The following RBFOX1 variants were observed in gnomAD, a reference collection of about 807,000 sequenced individuals.
RBFOX1 encodes the protein RNA binding protein fox-1 homolog 1.
In RBFOX1, 8 loss-of-function variants were observed where a neutral mutation model predicts 57.7. The ratio of observed to expected loss-of-function variants is 0.14; its 90% confidence interval spans 0.08 to 0.25. The LOEUF (loss-of-function observed/expected upper bound fraction) is 0.25, where lower values mean the gene tolerates loss of function less well. RBFOX1 is among the 10% of genes least tolerant of loss of function. The pLI, the probability that RBFOX1 is intolerant of heterozygous loss-of-function variation, is 1.00. For synonymous variants in RBFOX1, 326 were observed against 222.4 expected (o/e 1.47, Z -4.15); for missense variants, 611 against 548.5 (o/e 1.11, Z -1.14).
chr16:6,293,754 A>T (rs1470865768), intron 1 of RBFOX1, among the ~76,000 whole-genome samples: 1 of 125,184 alleles, frequency 8.0e-6, no homozygotes, highest in Non-Finnish European at 1.8e-5. Flanking sequence ...ACTTTGAAGC[A>T]TGAATGTAAT....
chr16:6,385,390 C>A (rs187366944), intron 2 of RBFOX1, among the ~76,000 whole-genome samples: 4 of 152,150 alleles, frequency 2.6e-5, no homozygotes, highest in African/African-American at 9.7e-5. Context: ...GACAGAGTCT[C>A]CCTCTTTTGC....
chr16:6,819,728 AAAATAAC>A (rs1273376401), intron 3 of RBFOX1, among the ~76,000 whole-genome samples: 1,479 of 101,848 alleles, frequency 0.015, 160 homozygotes, highest in African/African-American at 0.048. Flanking sequence ...AAAAAAAAAA[AAAATAAC>A]AACACCAAAA....
intron 3 of RBFOX1, among the ~76,000 whole-genome samples, chr16:5,751,378 C>G (rs866231813): frequency 8.5e-5 from 13 of 152,184 alleles, no homozygotes; most frequent in South Asian, 2.1e-4. Context: ...AGCTTTCATA[C>G]TGATTACGTC....
intron 3 of RBFOX1, among the ~76,000 whole-genome samples, chr16:6,927,002 A>G (rs150243689): frequency 1.1e-3 from 160 of 152,188 alleles, no homozygotes; most frequent in African/African-American, 3.5e-3. Flanking sequence ...TTGTCAAGCA[A>G]TTGCTACTCA....
chr16:6,418,804 C>T (rs767950559), intron 2 of RBFOX1, among the ~76,000 whole-genome samples: 21 of 152,146 alleles, frequency 1.4e-4, no homozygotes, highest in Admixed American at 2.6e-4. Flanking sequence ...GCTGGGATTA[C>T]AGGCATGAGC....
intron 3 of RBFOX1, among the ~76,000 whole-genome samples, chr16:6,693,358 A>G (rs1416802333): frequency 6.6e-6 from 1 of 150,790 alleles, no homozygotes; most frequent in Non-Finnish European, 1.5e-5. Flanking sequence ...CATCACCGCC[A>G]TCATCATCAA....
chr16:5,440,578 T>A (rs2068054030), intron 1 of RBFOX1, among the ~76,000 whole-genome samples: 1 of 152,182 alleles, frequency 6.6e-6, no homozygotes, highest in Non-Finnish European at 1.5e-5. Context: ...TCCATGGCTC[T>A]AGGTAAACAG....
In RBFOX1 at chr16:5,501,499, G is replaced by T. The variant is rs1173236433; in HGVS notation, c.258+34245G>T. On this transcript the variant is annotated intron_variant, in intron 2 of 2. Transcript: ENST00000585867. ...GCAGGCTGAATCCTGGGGGAAGAGG[G>T]TTTGTCTCTGGAGGCAGATGGGCTG... Among the ~76,000 whole-genome samples the T allele has an allele frequency of 5.3e-5, 8 of 152,094 alleles. No homozygotes were observed. In the East Asian group the frequency reaches 1.5e-3, roughly 29 times the overall value.
At chr16:6,414,558 A>G (rs140567190) in intron 2 of RBFOX1, among the ~76,000 whole-genome samples, 17 of 152,228 alleles carry the variant, frequency 1.1e-4, no homozygotes, top group African/African-American at 3.6e-4. Flanking sequence ...AGAAGAAAAT[A>G]AAGTACTGTG....
intron 11 of RBFOX1, among the ~76,000 whole-genome samples, chr16:7,639,939 C>T (rs1402583578): frequency 6.6e-6 from 1 of 152,184 alleles, no homozygotes; most frequent in Non-Finnish European, 1.5e-5. Flanking sequence ...CCCCACCCAC[C>T]AATGGTGAAC....
chr16:7,376,248 G>A (rs907314804), intron 4 of RBFOX1, among the ~76,000 whole-genome samples: 1 of 152,142 alleles, frequency 6.6e-6, no homozygotes, highest in Non-Finnish European at 1.5e-5. Flanking sequence ...GATAAACAGG[G>A]CATTATATTG....
intron 3 of RBFOX1, among the ~76,000 whole-genome samples, chr16:6,899,717 T>C (rs2067975574): frequency 2.0e-5 from 3 of 152,366 alleles, no homozygotes; most frequent in South Asian, 2.1e-4. Flanking sequence ...GGAGGCTTCA[T>C]GCATGATGGT....
At chr16:5,860,376 A>G (rs546826129) in intron 3 of RBFOX1, among the ~76,000 whole-genome samples, 3 of 152,082 alleles carry the variant, frequency 2.0e-5, no homozygotes, top group Admixed American at 2.0e-4. Flanking sequence ...CGCCTGGCCT[A>G]CTTCACCACT....
intron 1 of RBFOX1, among the ~76,000 whole-genome samples, chr16:5,361,558 CTTG>C (rs1297814128): frequency 1.3e-5 from 2 of 152,144 alleles, no homozygotes; most frequent in Non-Finnish European, 2.9e-5. Context: ...TGTGAGGCCG[CTTG>C]TTAGAAAGTT....
chr16:7,580,581 G>C (rs1260731096), intron 6 of RBFOX1, among the ~76,000 whole-genome samples: 1 of 152,166 alleles, frequency 6.6e-6, no homozygotes, highest in African/African-American at 2.4e-5. Flanking sequence ...GCCTTGCCCA[G>C]GCACCATGGT....
chr16:6,120,541 T>A (rs1194977645), intron 1 of RBFOX1, among the ~76,000 whole-genome samples: 1 of 152,210 alleles, frequency 6.6e-6, no homozygotes, highest in African/African-American at 2.4e-5. Flanking sequence ...AGTCTCAGTT[T>A]CCACATGGGT....
chr16:7,185,087 A>G (rs182908354), intron 4 of RBFOX1, among the ~76,000 whole-genome samples: 3 of 152,312 alleles, frequency 2.0e-5, no homozygotes, highest in South Asian at 2.1e-4. Flanking sequence ...TGTCCATACA[A>G]TATATCTATT....
intron 1 of RBFOX1, among the ~76,000 whole-genome samples, chr16:6,147,140 G>C (rs1395727417): frequency 1.3e-5 from 2 of 152,062 alleles, no homozygotes; most frequent in South Asian, 4.2e-4. Flanking sequence ...TTTGTTGAAG[G>C]GCCTTTTCCA....
At chr16:6,672,768 C>G (rs1002852011) in intron 3 of RBFOX1, among the ~76,000 whole-genome samples, 4 of 152,176 alleles carry the variant, frequency 2.6e-5, no homozygotes, top group African/African-American at 7.2e-5. Context: ...GTCATACCTT[C>G]TACCAATTCA....
Sources: allele counts gnomAD v4.1 joint callset (sites outside exome capture counted in the v4.1 genomes callset), GRCh38; gene constraint gnomAD v4.1.1; transcripts MANE v1.5; gene names NCBI Gene and HGNC (gene_info 2026-07-23, HGNC 2026-07-21).